The following TMC1 variants were observed in gnomAD, a reference collection of about 807,000 sequenced individuals.
The protein encoded by TMC1 is transmembrane channel-like protein 1.
In TMC1, 84 loss-of-function variants were observed where a neutral mutation model predicts 105.8. The ratio of observed to expected loss-of-function variants is 0.79; its 90% confidence interval spans 0.67 to 0.95. The LOEUF is 0.95. TMC1 is among the 40% of genes least tolerant of loss of function. The pLI is 0.00. For synonymous variants in TMC1, 315 were observed against 311.5 expected (o/e 1.01, Z -0.12); for missense variants, 817 against 914.1 (o/e 0.89, Z 1.37).
chr9:72,667,182 G>C (rs1826057221), intron 5 of TMC1, among the ~76,000 whole-genome samples: 2 of 152,298 alleles, frequency 1.3e-5, no homozygotes, highest in South Asian at 4.1e-4. Context: ...AGTGATAACT[G>C]GTAGATTTGG....
At chr9:72,628,772 T>C (rs911373613) in intron 4 of TMC1, among the ~76,000 whole-genome samples, 3 of 152,254 alleles carry the variant, frequency 2.0e-5, no homozygotes, top group African/African-American at 4.8e-5. Context: ...TGTTATTTTA[T>C]AGAGAGCTTT....
chr9:72,746,220 G>A (rs991555745), intron 10 of TMC1, among the ~76,000 whole-genome samples: 3 of 151,996 alleles, frequency 2.0e-5, no homozygotes, highest in Non-Finnish European at 1.5e-5. Flanking sequence ...ATTCCATTTC[G>A]ACATCAGAAT....
intron 17 of TMC1, among the ~76,000 whole-genome samples, chr9:72,796,631 A>C (rs1269174977): frequency 1.3e-5 from 2 of 152,216 alleles, no homozygotes; most frequent in Non-Finnish European, 2.9e-5. Context: ...CCACATGATT[A>C]TCTCCATAGA....
chr9:72,777,330 G>C (rs1422865235), intron 13 of TMC1, among the ~76,000 whole-genome samples: 1 of 151,864 alleles, frequency 6.6e-6, no homozygotes, highest in Non-Finnish European at 1.5e-5. Context: ...TTTGTCGAAG[G>C]AATTTCTCCT....
intron 1 of TMC1, among the ~76,000 whole-genome samples, chr9:72,531,399 T>C (rs1456231672): frequency 6.6e-6 from 1 of 152,230 alleles, no homozygotes. Context: ...CCTAGACTGG[T>C]GTTTTGTTCA....
chr9:72,806,474 GC>G (rs1377175598), intron 18 of TMC1, among the ~76,000 whole-genome samples: 1 of 151,418 alleles, frequency 6.6e-6, no homozygotes, highest in Non-Finnish European at 1.5e-5. Flanking sequence ...CTGGGTGGCT[GC>G]CGGGCGGAGA....
intron 5 of TMC1, among the ~76,000 whole-genome samples, chr9:72,653,319 T>C (rs947300575): frequency 3.9e-5 from 6 of 152,164 alleles, no homozygotes; most frequent in African/African-American, 1.4e-4. Flanking sequence ...ATTAGGAACA[T>C]TGACACATTT....
intron 4 of TMC1, among the ~76,000 whole-genome samples, chr9:72,629,876 A>T (rs956900743): frequency 1.3e-5 from 2 of 151,518 alleles, no homozygotes; most frequent in Admixed American, 6.6e-5. Flanking sequence ...TTTATTTTTT[A>T]TTTTTTTGAG....
At chr9:72,772,979 A>T (rs547242888) in intron 13 of TMC1, among the ~76,000 whole-genome samples, 1 of 152,274 alleles carries the variant, frequency 6.6e-6, no homozygotes, top group African/African-American at 2.4e-5. Context: ...AAAAAACCAG[A>T]ATAATCACTC....
At chr9:72,820,807 A>G in intron 19 of TMC1, 35 bp from the exon 20 acceptor site, 1 of 1,613,272 alleles carries the variant, frequency 6.2e-7, no homozygotes, top group Non-Finnish European at 8.5e-7. Flanking sequence ...TGGAGTAAAG[A>G]CTCAAAACTG....
chr9:72,586,438 C>T (rs7041300), intron 2 of TMC1, among the ~76,000 whole-genome samples: 68,446 of 152,022 alleles, frequency 0.45, 17,466 homozygotes, highest in African/African-American at 0.7. Flanking sequence ...CTGTGTGGAT[C>T]TGTATGTAGC....
chr9:72,774,782 C>T (rs1274847525), intron 13 of TMC1, among the ~76,000 whole-genome samples: 2 of 152,118 alleles, frequency 1.3e-5, no homozygotes, highest in Non-Finnish European at 2.9e-5. Flanking sequence ...GGAGAATATT[C>T]AGTAGAAAAA....
At chr9:72,552,683 A>G (rs1175169539) in intron 1 of TMC1, among the ~76,000 whole-genome samples, 12 of 152,158 alleles carry the variant, frequency 7.9e-5, no homozygotes, top group Non-Finnish European at 1.6e-4. Context: ...AGGCAAGGAG[A>G]TGATAGTTAC....
intron 4 of TMC1, among the ~76,000 whole-genome samples, chr9:72,635,678 A>G (rs567725416): frequency 8.5e-5 from 13 of 152,330 alleles, no homozygotes; most frequent in African/African-American, 3.1e-4. Context: ...AGCAGTGGGA[A>G]TAGGAGTTTA....
rs920622708 is a variant in TMC1 at position 72,600,699 on chromosome 9, GAAA to G, written c.-305-15664_-305-15662del. 2.4e-3 allele frequency among the ~76,000 whole-genome samples: 364 copies of G among 151,404 alleles called. 2 individuals are homozygous for G. The highest frequency in any genetic ancestry group is 8.2e-3 in the African/African-American group (338 of 41,414). ...TGTAGAAATAAGCCAATTAAAAAAAGAAAAAAATTAAAATAAAAAATTAAAGTT... is the reference window on the plus strand; with the variant it reads ...TGTAGAAATAAGCCAATTAAAAAAAGAAAATTAAAATAAAAAATTAAAGTT... On this transcript the variant is annotated intron_variant, in intron 2 of 23. Coordinates refer to ENST00000297784, the MANE Select transcript of TMC1 (RefSeq NM_138691.3).
At chr9:72,656,246 A>T (rs1039951830) in intron 5 of TMC1, 1 of 438,758 alleles carries the variant, frequency 2.3e-6, no homozygotes, top group Admixed American at 2.5e-5. Context: ...AACAGTGGTG[A>T]GTCAGGAGCA....
chr9:72,807,337 A>G (rs1421413422), intron 18 of TMC1, among the ~76,000 whole-genome samples: 1 of 152,238 alleles, frequency 6.6e-6, no homozygotes, highest in Non-Finnish European at 1.5e-5. Context: ...TACACACACT[A>G]TATAAGAGAA....
At chr9:72,538,987 T>A (rs1431577690) in intron 1 of TMC1, among the ~76,000 whole-genome samples, 1 of 152,154 alleles carries the variant, frequency 6.6e-6, no homozygotes, top group Non-Finnish European at 1.5e-5. Context: ...TTCTTTGGGA[T>A]CTCCTTGACC....
chr9:72,751,805 G>GTTT (rs773573869), intron 10 of TMC1, 45 bp from the exon 11 acceptor site: 5 of 1,275,980 alleles, frequency 3.9e-6, no homozygotes, highest in Non-Finnish European at 5.7e-6. Context: ...TTGTTTGTTT[G>GTTT]TTTGCTTTGA....
Sources: gnomAD v4.1 joint callset for allele counts (sites outside exome capture counted in the v4.1 genomes callset) on GRCh38, gnomAD v4.1.1 for gene constraint, MANE v1.5 for transcripts, NCBI Gene and HGNC (gene_info 2026-07-23, HGNC 2026-07-21) for gene names.